The following ROBO1 variants were observed in gnomAD, a reference collection of about 807,000 sequenced individuals.
The protein encoded by ROBO1 is roundabout guidance receptor 1.
ROBO1 carries 149 observed loss-of-function variants against 195.9 expected under a neutral mutation model. That is an observed-to-expected ratio of 0.76 (90% CI 0.67 to 0.87). ROBO1 has a LOEUF of 0.87. Ranked by LOEUF, ROBO1 falls within the 40% of genes least tolerant of loss-of-function variation. ROBO1 has a pLI of 0.00. For missense variants in ROBO1, 1,933 were observed against 2,068.3 expected (o/e 0.93, Z 1.27); for synonymous variants, 816 against 733.2 (o/e 1.11, Z -1.82).
chr3:79,546,063 C>G (rs896947054), intron 2 of ROBO1, among the ~76,000 whole-genome samples: 6 of 152,082 alleles, frequency 3.9e-5, no homozygotes, highest in African/African-American at 1.4e-4. Context: ...TTATTATGAT[C>G]CACTTCCACT....
At chr3:79,476,345 C>A (rs189374803) in intron 2 of ROBO1, among the ~76,000 whole-genome samples, 1 of 152,200 alleles carries the variant, frequency 6.6e-6, no homozygotes, top group Non-Finnish European at 1.5e-5. Flanking sequence ...CCTTAAAGAA[C>A]TAAATATAGA....
In ROBO1 at chr3:79,686,664, A is replaced by T. The variant is rs1055553961; in HGVS notation, c.-51+81088T>A. On this transcript the variant is annotated intron_variant, in intron 1 of 30. Coordinates refer to ENST00000464233, the MANE Select transcript of ROBO1 (RefSeq NM_002941.4). ...ACCTAGGAATCAAACTTACAAGGGA[A>T]GTGAAGGACCTCTTCAAGGAGAACT... is the stretch of plus-strand genomic sequence containing the variant. Among the ~76,000 whole-genome samples, 5 of 152,118 alleles carry T rather than the reference A, an allele frequency of 3.3e-5. No homozygotes were observed. The East Asian group carries it at 9.7e-4, about 29-fold the overall frequency.
chr3:79,224,432 T>C (rs1576837904), intron 2 of ROBO1, among the ~76,000 whole-genome samples: 1 of 152,218 alleles, frequency 6.6e-6, no homozygotes, highest in Non-Finnish European at 1.5e-5. Context: ...AGCACTGAGC[T>C]GTATTTAGTT....
At chr3:79,367,204 G>A (rs2036009989) in intron 2 of ROBO1, among the ~76,000 whole-genome samples, 1 of 152,078 alleles carries the variant, frequency 6.6e-6, no homozygotes, top group Admixed American at 6.5e-5. Context: ...TACATAGTAT[G>A]TTATTTTTTT....
At chr3:79,592,228 A>C (rs970386108) in intron 1 of ROBO1, among the ~76,000 whole-genome samples, 11 of 151,978 alleles carry the variant, frequency 7.2e-5, no homozygotes, top group African/African-American at 2.7e-4. Flanking sequence ...CCTTAAAAAG[A>C]ATGCAATAAT....
At chr3:79,106,394 G>T (rs1416555016) in intron 3 of ROBO1, among the ~76,000 whole-genome samples, 3 of 151,432 alleles carry the variant, frequency 2.0e-5, no homozygotes, top group Non-Finnish European at 4.4e-5. Flanking sequence ...AGCCTTAATT[G>T]TTACAAATGG....
chr3:79,266,475 C>A (rs1412572764), intron 2 of ROBO1, among the ~76,000 whole-genome samples: 4 of 151,478 alleles, frequency 2.6e-5, no homozygotes, highest in Non-Finnish European at 5.9e-5. Context: ...ACCTGTGGAT[C>A]TATTTTCTTC....
At chr3:79,462,837 C>A (rs1426451231) in intron 2 of ROBO1, among the ~76,000 whole-genome samples, 3 of 152,158 alleles carry the variant, frequency 2.0e-5, no homozygotes, top group Non-Finnish European at 2.9e-5. Flanking sequence ...TAATGAAAAT[C>A]TGTGGTGTAT....
chr3:79,393,040 T>C (rs1256470728), intron 2 of ROBO1, among the ~76,000 whole-genome samples: 1 of 152,234 alleles, frequency 6.6e-6, no homozygotes, highest in Non-Finnish European at 1.5e-5. Context: ...TCTCTTTCAG[T>C]GTCTACTGTG....
chr3:79,445,633 A>G (rs1474650122), intron 2 of ROBO1, among the ~76,000 whole-genome samples: 1 of 150,594 alleles, frequency 6.6e-6, no homozygotes, highest in African/African-American at 2.4e-5. Context: ...AGTAGCTGGG[A>G]CTGCAGGTGC....
chr3:79,449,243 A>AT (rs1418031909), intron 2 of ROBO1, among the ~76,000 whole-genome samples: 2 of 152,144 alleles, frequency 1.3e-5, no homozygotes, highest in African/African-American at 4.8e-5. Flanking sequence ...AAAAATAAAA[A>AT]TAAAAAATAA....
rs779452115 is a variant in ROBO1, at chr3:78,614,814, A to G, written c.4283-14T>C. The G allele has an allele frequency of 6.4e-7, 1 of 1,572,066 alleles. No individual in the cohort carries two copies. The highest frequency in any genetic ancestry group is 2.3e-5 in the East Asian group (1 of 44,104). On this transcript the variant is annotated splice_polypyrimidine_tract_variant and intron_variant, in intron 27 of 30. Coordinates refer to ENST00000464233, the MANE Select transcript of ROBO1 (RefSeq NM_002941.4). ...AATGTCGACGGCCTAAGGAGAAAAA[A>G]AAAAAAAATCCAAGCCAAACTCATC...
intron 2 of ROBO1, among the ~76,000 whole-genome samples, chr3:79,428,151 A>G (rs1224424964): frequency 6.6e-6 from 1 of 152,172 alleles, no homozygotes; most frequent in Non-Finnish European, 1.5e-5. Context: ...ATATCTAAAT[A>G]GCCATTTATC....
intron 26 of ROBO1, among the ~76,000 whole-genome samples, chr3:78,621,749 A>G (rs1271436374): frequency 3.3e-5 from 5 of 152,236 alleles, no homozygotes. Flanking sequence ...ATGACTGTGT[A>G]TCGCAACACT....
intron 4 of ROBO1, among the ~76,000 whole-genome samples, chr3:78,872,441 A>G (rs547545366): frequency 4.7e-4 from 71 of 152,312 alleles, no homozygotes; most frequent in Admixed American, 1.4e-3. Flanking sequence ...CCCTGCTGCA[A>G]TCTGAATCTA....
chr3:79,627,582 T>G (rs1377862171), intron 1 of ROBO1, among the ~76,000 whole-genome samples: 1 of 152,132 alleles, frequency 6.6e-6, no homozygotes, highest in African/African-American at 2.4e-5. Context: ...ATTTAGGACA[T>G]AGGCATATGC....
At chr3:79,112,799 A>G (rs545001095) in intron 3 of ROBO1, among the ~76,000 whole-genome samples, 2 of 152,068 alleles carry the variant, frequency 1.3e-5, no homozygotes, top group East Asian at 1.9e-4. Flanking sequence ...GCATTAGGAG[A>G]TATACCTAAT....
intron 2 of ROBO1, among the ~76,000 whole-genome samples, chr3:79,249,881 T>C (rs2082688863): frequency 1.3e-5 from 2 of 152,048 alleles, no homozygotes; most frequent in Admixed American, 6.6e-5. Context: ...AAGCAATGAC[T>C]CATCAACTGA....
chr3:78,942,088 C>A (rs2040172555), intron 3 of ROBO1, among the ~76,000 whole-genome samples: 1 of 151,972 alleles, frequency 6.6e-6, no homozygotes, highest in Admixed American at 6.6e-5. Flanking sequence ...ATCACTTGAG[C>A]CTAGGAGTTC....
Sources: allele counts gnomAD v4.1 joint callset (sites outside exome capture counted in the v4.1 genomes callset), GRCh38; gene constraint gnomAD v4.1.1; transcripts MANE v1.5; gene names NCBI Gene and HGNC (gene_info 2026-07-23, HGNC 2026-07-21).